Variants in C1QTNF7 observed in about 807,000 individuals in gnomAD.
C1QTNF7 encodes the protein complement C1q tumor necrosis factor-related protein 7.
In C1QTNF7, 15 loss-of-function variants were observed where a neutral mutation model predicts 19.6. The observed-to-expected ratio is 0.76, with a 90% CI of 0.51 to 1.18. The LOEUF (loss-of-function observed/expected upper bound fraction) is 1.18. Among genes scored for constraint, C1QTNF7 ranks in the 50% most tolerant of loss-of-function variants. C1QTNF7 has a pLI of 0.00. For missense variants in C1QTNF7, 324 were observed against 359.7 expected (o/e 0.90, Z 0.80); for synonymous variants, 142 against 137.5 (o/e 1.03, Z -0.23).
chr4:15,439,372 G>A (rs1171828238), intron 2 of C1QTNF7, among the ~76,000 whole-genome samples: 2 of 152,170 alleles, frequency 1.3e-5, no homozygotes, highest in Non-Finnish European at 2.9e-5. Flanking sequence ...TTGGTCTCAA[G>A]GAATTTTCAA....
chr4:15,340,353 T>C lies in C1QTNF7; in HGVS notation c.13+146T>C, dbSNP rs1716497270. 8 of 1,045,750 alleles carry C rather than the reference T, an allele frequency of 7.7e-6. No individual in the cohort carries two copies. The South Asian group carries it at 1.2e-4, about 16-fold the overall frequency. 64.8% of individuals were successfully genotyped at this position (1,045,750 alleles called of 1,614,324 possible). A position where few individuals can be genotyped will look rare whatever the true frequency, so the allele number is the denominator to read the frequency against. ...ATGTCAACAAATGATAAATCAGAGG[T>C]TAGAAAACCTCCGCAGGAGAGCGTT... On this transcript the variant is annotated intron_variant, in intron 1 of 2. Transcript: ENST00000295297.
At chr4:15,427,761 A>G (rs1021730314), upstream of C1QTNF7, 2 of 152,320 alleles carry the variant, frequency 1.3e-5, no homozygotes, top group Admixed American at 6.5e-5. Flanking sequence ...ATGAAGAGGG[A>G]AAAAATTAAG....
At chr4:15,386,426 A>C (rs1718337528) in intron 1 of C1QTNF7, among the ~76,000 whole-genome samples, 2 of 152,148 alleles carry the variant, frequency 1.3e-5, no homozygotes, top group Non-Finnish European at 2.9e-5. Flanking sequence ...GTTGCTCAGC[A>C]CTCAGCAACG....
At chr4:15,351,176 A>G (rs1936991904) in intron 1 of C1QTNF7, among the ~76,000 whole-genome samples, 4 of 152,254 alleles carry the variant, frequency 2.6e-5, no homozygotes, top group Admixed American at 6.5e-5. Flanking sequence ...AACAGAAAAG[A>G]AAGCATTAGG....
chr4:15,346,300 A>G (rs947728450), intron 1 of C1QTNF7, among the ~76,000 whole-genome samples: 21 of 152,196 alleles, frequency 1.4e-4, no homozygotes, highest in African/African-American at 5.1e-4. Flanking sequence ...GTCTCCAAGT[A>G]GAGGAGAGAA....
intron 1 of C1QTNF7, among the ~76,000 whole-genome samples, chr4:15,373,450 T>C (rs961293416): frequency 2.0e-5 from 3 of 152,216 alleles, no homozygotes; most frequent in Non-Finnish European, 2.9e-5. Flanking sequence ...CCATGGCAAC[T>C]ACTTTATAGT....
At chr4:15,363,066 T>G (rs1560342413) in intron 1 of C1QTNF7, among the ~76,000 whole-genome samples, 1 of 152,188 alleles carries the variant, frequency 6.6e-6, no homozygotes, top group South Asian at 2.1e-4. Flanking sequence ...TCTCCCAAAC[T>G]TCATTGATAA....
In C1QTNF7 at chr4:15,443,129, A is replaced by C. The variant is rs545815892; in HGVS notation, c.*330A>C. 9.2e-5 allele frequency: 16 copies of C among 174,686 alleles called. No homozygotes were observed. In the East Asian group the frequency reaches 2.2e-3, roughly 24 times the overall value. 10.8% of individuals were successfully genotyped at this position (174,686 alleles called of 1,614,324 possible). On this transcript the variant is annotated 3_prime_UTR_variant, in exon 3 of 3. Coordinates refer to ENST00000444304, the MANE Select transcript of C1QTNF7 (RefSeq NM_031911.5). Reference sequence around the variant, plus strand: ...AATAATATTGCCTTATTAAATCTTCAAAAAATATATTTTAGTCTGTTATTT... The same window carrying C: ...AATAATATTGCCTTATTAAATCTTCCAAAAATATATTTTAGTCTGTTATTT...
chr4:15,351,956 G>A (rs1328813679), intron 1 of C1QTNF7, among the ~76,000 whole-genome samples: 3 of 152,184 alleles, frequency 2.0e-5, no homozygotes, highest in Non-Finnish European at 4.4e-5. Context: ...GATAGCTTGA[G>A]GAGTTAGCAA....
intron 1 of C1QTNF7, among the ~76,000 whole-genome samples, chr4:15,355,229 G>A (rs1032649161): frequency 1.3e-5 from 2 of 152,152 alleles, no homozygotes; most frequent in African/African-American, 4.8e-5. Context: ...GCAGAGCCAG[G>A]TGGGAGATGC....
intron 1 of C1QTNF7, among the ~76,000 whole-genome samples, chr4:15,408,960 G>A (rs1012353892): frequency 6.6e-6 from 1 of 152,182 alleles, no homozygotes; most frequent in South Asian, 2.1e-4. Context: ...TAAGCCACCA[G>A]TTTATAGCAG....
At chr4:15,381,843 G>C (rs544183282) in intron 1 of C1QTNF7, 1 of 152,178 alleles carries the variant, frequency 6.6e-6, no homozygotes, top group Non-Finnish European at 1.5e-5. Context: ...TTAATTGTGA[G>C]AAATTAAAAC....
chr4:15,366,908 T>C (rs557240472), intron 1 of C1QTNF7, among the ~76,000 whole-genome samples: 2 of 151,854 alleles, frequency 1.3e-5, no homozygotes, highest in Non-Finnish European at 2.9e-5. Context: ...AATGGAAAAA[T>C]TGGGGGGAAA....
intron 1 of C1QTNF7, among the ~76,000 whole-genome samples, chr4:15,366,227 A>G (rs1717517794): frequency 1.3e-5 from 2 of 152,148 alleles, no homozygotes; most frequent in African/African-American, 4.8e-5. Context: ...TGCCATGGAG[A>G]ACTCCTCAGT....
Position 15,437,303 on chromosome 4 carries a change from TG to T in C1QTNF7, c.238+1323del, listed in dbSNP as rs112589782. ...CTAATCTAGTATCCTTGGCCACATA[TG>T]CTCTTAGAGGCTCAGTTTCCTTATT... On this transcript the variant is annotated intron_variant, in intron 2 of 2. Coordinates refer to ENST00000444304, the MANE Select transcript of C1QTNF7 (RefSeq NM_031911.5). Among the ~76,000 whole-genome samples the T allele has an allele frequency of 8.3e-4, 127 of 152,154 alleles. 1 individual carries two copies. Among genetic ancestry groups the T allele is most frequent in the African/African-American group, 3.0e-3 (125 of 41,506 alleles).
chr4:15,415,257 T>C (rs951556231), intron 1 of C1QTNF7, among the ~76,000 whole-genome samples: 2 of 152,038 alleles, frequency 1.3e-5, no homozygotes, highest in Non-Finnish European at 2.9e-5. Flanking sequence ...GAGTTGTACA[T>C]TGAGGAACCA....
At chr4:15,346,410 C>T (rs1226131050) in intron 1 of C1QTNF7, among the ~76,000 whole-genome samples, 1 of 152,116 alleles carries the variant, frequency 6.6e-6, no homozygotes, top group East Asian at 1.9e-4. Flanking sequence ...TCATGTGCTA[C>T]CAATGATATA....
chr4:15,404,899 A>G lies in C1QTNF7; in HGVS notation c.14-30837A>G, dbSNP rs76936558. On this transcript the variant is annotated intron_variant, in intron 1 of 2. Coordinates refer to the C1QTNF7 transcript ENST00000295297. Reference sequence around the variant, plus strand: ...ACGAGCCCTTATTCCAAAACAAACAATTCATAAGTTGGGTTCAGTAATTGC... The same window carrying G: ...ACGAGCCCTTATTCCAAAACAAACAGTTCATAAGTTGGGTTCAGTAATTGC... Among the ~76,000 whole-genome samples the G allele has an allele frequency of 1.7e-3, 254 of 152,338 alleles. 6 individuals carry two copies. The East Asian group carries it at 0.043, about 26-fold the overall frequency.
At chr4:15,344,116 C>T (rs1031349108) in intron 1 of C1QTNF7, among the ~76,000 whole-genome samples, 1 of 152,160 alleles carries the variant, frequency 6.6e-6, no homozygotes, top group African/African-American at 2.4e-5. Context: ...GAGAGAACAG[C>T]GTGGAAAGTA....
Sources: gnomAD v4.1 joint callset for allele counts (sites outside exome capture counted in the v4.1 genomes callset) on GRCh38, gnomAD v4.1.1 for gene constraint, MANE v1.5 for transcripts, NCBI Gene and HGNC (gene_info 2026-07-23, HGNC 2026-07-21) for gene names.